The following TTC29 variants were observed in gnomAD, a reference collection of about 807,000 sequenced individuals.
TTC29 encodes tetratricopeptide repeat protein 29.
In TTC29, 49 loss-of-function variants were observed where a neutral mutation model predicts 58.1. The ratio of observed to expected loss-of-function variants is 0.84; its 90% CI spans 0.67 to 1.07. The LOEUF is 1.07. Ranked by LOEUF, TTC29 falls within the 50% of genes least tolerant of loss-of-function variation. TTC29 has a pLI of 0.00. For missense variants in TTC29, 582 were observed against 555.6 expected, an observed-to-expected ratio of 1.05 and a Z score of -0.48; for synonymous variants, 209 against 196.8, an observed-to-expected ratio of 1.06 and a Z score of -0.52.
intron 7 of TTC29, among the ~76,000 whole-genome samples, chr4:146,873,035 G>C: frequency 6.6e-6 from 1 of 152,194 alleles, no homozygotes; most frequent in South Asian, 2.1e-4. Context: ...CCTATATGAT[G>C]GATGAACCTT....
chr4:146,774,734 C>A (rs1221767090), intron 11 of TTC29, among the ~76,000 whole-genome samples: 1 of 152,026 alleles, frequency 6.6e-6, no homozygotes, highest in East Asian at 1.9e-4. Flanking sequence ...CTGTTAGGTC[C>A]ATTTGGTCAA....
chr4:146,713,334 T>G (rs1053302403), intron 11 of TTC29, among the ~76,000 whole-genome samples: 1 of 152,028 alleles, frequency 6.6e-6, no homozygotes, highest in African/African-American at 2.4e-5. Context: ...GGTTTGTCAT[T>G]CATGCATTCA....
chr4:146,809,128 C>T (rs1005797247), intron 10 of TTC29, among the ~76,000 whole-genome samples: 1 of 149,868 alleles, frequency 6.7e-6, no homozygotes, highest in Non-Finnish European at 1.5e-5. Context: ...CAAAAACAAG[C>T]AATGGGGAAA....
chr4:146,804,863 C>T (rs553693739), intron 10 of TTC29, among the ~76,000 whole-genome samples: 1 of 152,324 alleles, frequency 6.6e-6, no homozygotes, highest in East Asian at 1.9e-4. Flanking sequence ...GTGGATCTGC[C>T]AGCACAGTGC....
chr4:146,936,773 A>G (rs1051739073), intron 4 of TTC29, among the ~76,000 whole-genome samples: 2 of 152,122 alleles, frequency 1.3e-5, no homozygotes, highest in African/African-American at 4.8e-5. Flanking sequence ...TATCATTAGC[A>G]ACACCCTTTC....
intron 6 of TTC29, among the ~76,000 whole-genome samples, chr4:146,882,952 C>G (rs765050956): frequency 9.9e-5 from 15 of 151,592 alleles, no homozygotes; most frequent in Non-Finnish European, 1.6e-4. Context: ...CTCTCTCTCT[C>G]TGTGTGTGTG....
Position 146,803,515 on chromosome 4 carries a change from G to C in TTC29, c.1272C>G (p.Leu424=). The change falls in exon 11 of 13, where the codon CTC becomes CTG. Residue 424 remains leucine, a synonymous_variant. Transcript: ENST00000325106. The part of the protein sequence containing the change: ...NYIESADLTS[L]NYLLSWKESR... ...TCTCCTTCCATGACAGCAGGTAGTTGAGGCTGGTGAGATCTGCAGACTCTA... is the reference window on the plus strand; with the variant it reads ...TCTCCTTCCATGACAGCAGGTAGTTCAGGCTGGTGAGATCTGCAGACTCTA... The C allele has an allele frequency of 6.2e-7, 1 of 1,601,094 alleles. No individual in the cohort carries two copies. Among genetic ancestry groups the C allele is most frequent in the South Asian group, 1.1e-5 (1 of 88,714 alleles).
At chr4:146,938,023 T>C (rs1056724860) in intron 3 of TTC29, among the ~76,000 whole-genome samples, 5 of 152,156 alleles carry the variant, frequency 3.3e-5, no homozygotes, top group Non-Finnish European at 5.9e-5. Context: ...TTATATATTG[T>C]TTGGCACAGA....
At chr4:146,797,832 T>TTATA (rs70958528) in intron 11 of TTC29, among the ~76,000 whole-genome samples, 5,682 of 129,844 alleles carry the variant, frequency 0.044, 145 homozygotes, top group East Asian at 0.13. Flanking sequence ...TTACTTTGTT[T>TTATA]TATATATATA....
chr4:146,843,873 C>T (rs924628190), intron 8 of TTC29, among the ~76,000 whole-genome samples: 2 of 152,148 alleles, frequency 1.3e-5, no homozygotes, highest in African/African-American at 4.8e-5. Context: ...CATACTCTCT[C>T]CTCATGTGAT....
intron 11 of TTC29, among the ~76,000 whole-genome samples, chr4:146,788,185 A>G (rs1749173264): frequency 6.6e-6 from 1 of 152,144 alleles, no homozygotes; most frequent in Non-Finnish European, 1.5e-5. Flanking sequence ...GTTTAACCCC[A>G]TGCTTTCCCA....
intron 4 of TTC29, among the ~76,000 whole-genome samples, chr4:146,925,593 T>C (rs557046218): frequency 6.6e-6 from 1 of 152,300 alleles, no homozygotes; most frequent in South Asian, 2.1e-4. Flanking sequence ...ATGAGATTCG[T>C]CATTTATCTT....
chr4:146,750,966 A>T (rs754419910), intron 11 of TTC29, among the ~76,000 whole-genome samples: 89 of 152,208 alleles, frequency 5.8e-4, no homozygotes, highest in Non-Finnish European at 1.2e-3. Context: ...TTCTCTTCCT[A>T]CAAAAGCCCT....
chr4:146,933,877 T>C (rs923844659), intron 4 of TTC29: 1 of 151,364 alleles, frequency 6.6e-6, no homozygotes, highest in Admixed American at 6.7e-5. Flanking sequence ...CAGTGACAAC[T>C]ACATGTTAGC....
intron 11 of TTC29, among the ~76,000 whole-genome samples, chr4:146,744,022 T>C (rs1269941866): frequency 2.0e-5 from 3 of 152,152 alleles, no homozygotes; most frequent in Admixed American, 1.3e-4. Context: ...ATATGATTCA[T>C]TGGTAAAGAA....
chr4:146,911,516 C>G (rs1000162770), intron 4 of TTC29, among the ~76,000 whole-genome samples: 7 of 152,176 alleles, frequency 4.6e-5, no homozygotes, highest in Non-Finnish European at 1.0e-4. Flanking sequence ...ATGCATTCAG[C>G]TATAAGTAAA....
At chr4:146,816,439 C>T (rs1751413590) in intron 10 of TTC29, among the ~76,000 whole-genome samples, 1 of 151,880 alleles carries the variant, frequency 6.6e-6, no homozygotes, top group Non-Finnish European at 1.5e-5. Context: ...CAGAGGGTAG[C>T]AGAGGAAGCA....
chr4:146,771,652 G>T (rs1005283383), intron 11 of TTC29, among the ~76,000 whole-genome samples: 5 of 151,986 alleles, frequency 3.3e-5, no homozygotes, highest in Non-Finnish European at 5.9e-5. Flanking sequence ...TCTTTATCTA[G>T]TCTACCATTT....
chr4:146,881,263 A>G (rs1731607270), intron 6 of TTC29, among the ~76,000 whole-genome samples: 1 of 152,160 alleles, frequency 6.6e-6, no homozygotes, highest in South Asian at 2.1e-4. Flanking sequence ...TACATTTGCC[A>G]GTAAAAACAA....
Sources: gnomAD v4.1 joint callset for allele counts (sites outside exome capture counted in the v4.1 genomes callset) on GRCh38, gnomAD v4.1.1 for gene constraint, MANE v1.5 for transcripts, NCBI Gene and HGNC (gene_info 2026-07-23, HGNC 2026-07-21) for gene names.